The following PYY variants were observed in gnomAD, a reference collection of about 807,000 sequenced individuals.
PYY encodes the protein peptide YY.
Under a neutral mutation model 10.3 loss-of-function variants are expected in PYY, and 12 were observed. The ratio of observed to expected loss-of-function variants is 1.17; its 90% CI spans 0.75 to 1.89. The LOEUF (loss-of-function observed/expected upper bound fraction) is 1.89. PYY is among the 40% of genes most tolerant of loss of function. The pLI, the probability that PYY is intolerant of heterozygous loss-of-function variation, is 0.00. For missense variants in PYY, 141 were observed against 134.0 expected, an observed-to-expected ratio of 1.05 and a Z score of -0.26; for synonymous variants, 66 against 62.0, an observed-to-expected ratio of 1.06 and a Z score of -0.30.
upstream of PYY, among the ~76,000 whole-genome samples, chr17:43,957,145 C>T: frequency 6.6e-6 from 1 of 150,664 alleles, no homozygotes; most frequent in Admixed American, 6.6e-5. Flanking sequence ...TTGCAGTGAG[C>T]CAAGATCGCG....
upstream of PYY, among the ~76,000 whole-genome samples, chr17:43,956,981 C>T (rs1430383112): frequency 6.6e-6 from 1 of 151,276 alleles, no homozygotes; most frequent in Non-Finnish European, 1.5e-5. Context: ...GAGTGGATCA[C>T]GAGGTCAGGA....
chr17:43,984,213 G>T (rs2048901552), intron 1 of PYY, among the ~76,000 whole-genome samples: 1 of 152,208 alleles, frequency 6.6e-6, no homozygotes, highest in African/African-American at 2.4e-5. Context: ...GGTCAGCCCT[G>T]CTCCTTTCCC....
intron 1 of PYY, among the ~76,000 whole-genome samples, chr17:43,997,880 T>C (rs1165346394): frequency 6.6e-6 from 1 of 152,084 alleles, no homozygotes; most frequent in Non-Finnish European, 1.5e-5. Flanking sequence ...GTAGAATATA[T>C]ACTGACTAAT....
chr17:43,963,578 G>GAAAGAAAGAAAGAAAAGA lies in PYY; in HGVS notation c.-218+2709_-218+2710insTCTTTTCTTTCTTTCTTT, dbSNP rs1555617090. Among the ~76,000 whole-genome samples the GAAAGAAAGAAAGAAAAGA allele has an allele frequency of 6.7e-3, 460 of 68,856 alleles. 10 individuals carry two copies. Among genetic ancestry groups the GAAAGAAAGAAAGAAAAGA allele is most frequent in the African/African-American group, 0.022 (444 of 19,984 alleles). 45.2% of individuals were successfully genotyped at this position (68,856 alleles called of 152,430 possible). ...GAAGGAAGGAAGGAAGGAAAAGAAA[G>GAAAGAAAGAAAGAAAAGA]AAAGAAAGAAAGAAAGAAAGAAAGA... On this transcript the variant is annotated intron_variant, in intron 2 of 6. Transcript: ENST00000360085.
chr17:44,003,670 C>CA (rs34426332), intron 1 of PYY, among the ~76,000 whole-genome samples: 3,101 of 17,510 alleles, frequency 0.18, 192 homozygotes, highest in Non-Finnish European at 0.24. Context: ...AACAAACAAA[C>CA]AAAAAAAAAA....
intron 1 of PYY, among the ~76,000 whole-genome samples, chr17:44,003,666 C>CAA (rs1340134026): frequency 3.5e-5 from 2 of 57,912 alleles, no homozygotes; most frequent in African/African-American, 6.0e-5. Flanking sequence ...AACAAACAAA[C>CAA]AAACAAAAAA....
At chr17:43,953,009 T>C in intron 3 of PYY, 29 bp from the exon 4 acceptor site, 1 of 1,582,790 alleles carries the variant, frequency 6.3e-7, no homozygotes, top group Non-Finnish European at 8.6e-7. Context: ...AGGAATTGGA[T>C]CTGGGGAGGC....
intron 1 of PYY, among the ~76,000 whole-genome samples, chr17:43,973,013 T>A (rs1025250838): frequency 6.6e-6 from 1 of 151,966 alleles, no homozygotes; most frequent in African/African-American, 2.4e-5. Flanking sequence ...GCACCCAGCC[T>A]ATTTTTGTTG....
Position 43,996,579 on chromosome 17 carries a change from C to G in PYY, c.-463+7812G>C, listed in dbSNP as rs551466353. Among the ~76,000 whole-genome samples the G allele has an allele frequency of 9.4e-4, 143 of 152,250 alleles. 1 individual carries two copies. The highest frequency in any genetic ancestry group is 3.0e-3 in the Admixed American group (46 of 15,284). ...TCCTGGGTTCAGGTGATCCTCCTAC[C>G]TCAGCCTCCCAAGCAGCTGGGACCA... is the stretch of plus-strand genomic sequence containing the variant. On this transcript the variant is annotated intron_variant, in intron 1 of 6. Transcript: ENST00000360085.
chr17:43,979,761 G>C (rs1032537323), intron 1 of PYY, among the ~76,000 whole-genome samples: 2 of 151,548 alleles, frequency 1.3e-5, no homozygotes, highest in African/African-American at 4.9e-5. Flanking sequence ...AAATGGGTGT[G>C]GGGGTAGCTA....
At chr17:43,986,028 G>T (rs1453664774) in intron 1 of PYY, among the ~76,000 whole-genome samples, 1 of 152,160 alleles carries the variant, frequency 6.6e-6, no homozygotes, top group Non-Finnish European at 1.5e-5. Flanking sequence ...AGGCTGAAGT[G>T]GGCGGATCAC....
intron 1 of PYY, among the ~76,000 whole-genome samples, chr17:43,976,276 T>TATACACACATGTATACATGTATAC (rs1217188677): frequency 2.1e-5 from 3 of 146,252 alleles, no homozygotes; most frequent in South Asian, 2.1e-4. Context: ...CATGTACGTA[T>TATACACACATGTATACATGTATAC]ATATACGCAT....
At chr17:43,990,616 C>G (rs1332757216) in intron 1 of PYY, among the ~76,000 whole-genome samples, 1 of 151,846 alleles carries the variant, frequency 6.6e-6, no homozygotes, top group East Asian at 1.9e-4. Flanking sequence ...TCGGGAGATA[C>G]AAGGCACAAA....
At chr17:43,973,996 C>T (rs1422092753) in intron 1 of PYY, among the ~76,000 whole-genome samples, 1 of 151,922 alleles carries the variant, frequency 6.6e-6, no homozygotes, top group Non-Finnish European at 1.5e-5. Context: ...GACAAGTGGC[C>T]GACTCTGGAG....
chr17:43,964,936 C>T (rs545741925), intron 2 of PYY, among the ~76,000 whole-genome samples: 46 of 152,312 alleles, frequency 3.0e-4, no homozygotes, highest in African/African-American at 1.1e-3. Flanking sequence ...GCTACCATCT[C>T]CTGTGTCCTT....
intron 1 of PYY, among the ~76,000 whole-genome samples, chr17:43,989,817 A>ATT: frequency 1.2e-4 from 1 of 8,540 alleles, no homozygotes; most frequent in Non-Finnish European, 1.8e-4. Context: ...TTTAAAAAAA[A>ATT]AAAAAAAAAA....
At chr17:43,973,891 C>T (rs955052498) in intron 1 of PYY, among the ~76,000 whole-genome samples, 4 of 152,142 alleles carry the variant, frequency 2.6e-5, no homozygotes, top group Non-Finnish European at 2.9e-5. Flanking sequence ...GAAGGGCCTT[C>T]GTGCCTGGAC....
chr17:43,976,178 T>TATATACGTATATGTATACATATATAC (rs2048835889), intron 1 of PYY, among the ~76,000 whole-genome samples: 3 of 90,426 alleles, frequency 3.3e-5, no homozygotes, highest in Non-Finnish European at 5.5e-5. Context: ...CATATATGTA[T>TATATACGTATATGTATACATATATAC]ATATACGTAT....
In PYY at chr17:43,987,286, C is replaced by A. The variant is rs1009507333; in HGVS notation, c.-463+17105G>T. 1.3e-5 allele frequency among the ~76,000 whole-genome samples: 2 copies of A among 152,194 alleles called. No individual in the cohort carries two copies. The highest frequency in any genetic ancestry group is 2.4e-5 in the African/African-American group (1 of 41,454). On this transcript the variant is annotated intron_variant, in intron 1 of 6. Transcript: ENST00000360085. The surrounding 1 kb of genome is among the most constrained non-coding windows in gnomAD (Gnocchi z 4.0). ...CTCTCTGACTTAATTACTTCTCCTCCTGGCTGTAATGAATGTTTCTGAGCC... is the reference window on the plus strand; with the variant it reads ...CTCTCTGACTTAATTACTTCTCCTCATGGCTGTAATGAATGTTTCTGAGCC...
Sources: allele counts gnomAD v4.1 joint callset (sites outside exome capture counted in the v4.1 genomes callset), GRCh38; gene constraint gnomAD v4.1.1; non-coding constraint Gnocchi (gnomAD v3.1); transcripts MANE v1.5; gene names NCBI Gene and HGNC (gene_info 2026-07-23, HGNC 2026-07-21).